Variants in RAB3GAP2 observed in about 807,000 individuals in gnomAD.
The protein encoded by RAB3GAP2 is RAB3 GTPase activating non-catalytic protein subunit 2, also known as rab3 GTPase-activating protein non-catalytic subunit.
RAB3GAP2 carries 87 observed loss-of-function variants against 185.3 expected under a neutral mutation model. The ratio of observed to expected loss-of-function variants is 0.47; its 90% CI spans 0.39 to 0.56. The LOEUF is 0.56. RAB3GAP2 is among the 20% of genes least tolerant of loss of function. The pLI is 0.00. For missense variants in RAB3GAP2, 1,492 were observed against 1,638.2 expected (o/e 0.91, Z 1.54); for synonymous variants, 554 against 576.1 (o/e 0.96, Z 0.55).
At chr1:220,243,353 C>CAAA (rs34046394) in intron 1 of RAB3GAP2, among the ~76,000 whole-genome samples, 1 of 107,614 alleles carries the variant, frequency 9.3e-6, no homozygotes, top group Non-Finnish European at 2.1e-5. Context: ...GACTCCATCT[C>CAAA]AAAAAAAAAA....
intron 27 of RAB3GAP2, among the ~76,000 whole-genome samples, chr1:220,164,334 T>C (rs1397370422): frequency 3.3e-5 from 5 of 152,098 alleles, no homozygotes; most frequent in Admixed American, 2.6e-4. Context: ...CTGCCTTCAT[T>C]ACACTCAGGG....
chr1:220,151,899 C>A, intron 33 of RAB3GAP2, 135 bp from the exon 34 acceptor site: 7 of 948,990 alleles, frequency 7.4e-6, no homozygotes, highest in African/African-American at 1.6e-5. Context: ...TGTATACAAC[C>A]AAAGATAAAT....
intron 7 of RAB3GAP2, among the ~76,000 whole-genome samples, chr1:220,206,903 T>C (rs938599737): frequency 5.3e-5 from 8 of 152,176 alleles, no homozygotes; most frequent in African/African-American, 1.9e-4. Context: ...TCTTGGCACA[T>C]TACTATCTTA....
chr1:220,185,567 A>T (rs1658492307), intron 18 of RAB3GAP2, 84 bp downstream of exon 18: 1 of 961,172 alleles, frequency 1.0e-6, no homozygotes, highest in East Asian at 2.4e-5. Flanking sequence ...ACATGATGGT[A>T]TCACAAAGTC....
chr1:220,162,243 C>G lies in RAB3GAP2; in HGVS notation c.3180G>C (p.Thr1060=), dbSNP rs765738431. The G allele has an allele frequency of 1.3e-6, 2 of 1,595,620 alleles. No homozygotes were observed. Among genetic ancestry groups the G allele is most frequent in the Non-Finnish European group, 1.7e-6 (2 of 1,163,580 alleles). ...CAGCAGAAAATCTTTTAACTAAGAA[C>G]GTATTCCACATCATCAGTGCAATGC... The part of the protein sequence containing the change: ...QNGIALMMWN[T]FLVKRFSAAT... Residue 1060 remains threonine (T), a synonymous_variant, in exon 28 of 35, where the codon ACG becomes ACC. Coordinates refer to ENST00000358951, the MANE Select transcript of RAB3GAP2 (RefSeq NM_012414.4).
rs112510337 is a variant in RAB3GAP2 at position 220,223,939 on chromosome 1, G to A, written c.180+8860C>T. On this transcript the variant is annotated intron_variant, in intron 2 of 34. Coordinates refer to ENST00000358951, the MANE Select transcript of RAB3GAP2 (RefSeq NM_012414.4). ...TGAAAAATTAGAGGCCTGGGAGGTC[G>A]AGGCTGAAGTGAGCCATGATCGTGC... Among the ~76,000 whole-genome samples, 470 of 146,626 alleles carry A rather than the reference G, an allele frequency of 3.2e-3. 2 individuals are homozygous for A. Among genetic ancestry groups the A allele is most frequent in the African/African-American group, 0.011 (443 of 39,740 alleles).
rs547421534 is a variant in RAB3GAP2 at position 220,236,936 on chromosome 1, T to G, written c.116-4073A>C. ...GGAATATTACTATAAGGCCTTGAGG[T>G]TCACAAACTCTACGTCATCATGAAG... On this transcript the variant is annotated intron_variant, in intron 1 of 34. Coordinates refer to ENST00000358951, the MANE Select transcript of RAB3GAP2 (RefSeq NM_012414.4). Among the ~76,000 whole-genome samples, 207 of 152,274 alleles carry G rather than the reference T, an allele frequency of 1.4e-3. 1 individual carries two copies. The highest frequency in any genetic ancestry group is 1.8e-3 in the Admixed American group (27 of 15,296).
chr1:220,228,626 A>G (rs1475793519), intron 2 of RAB3GAP2, among the ~76,000 whole-genome samples: 1 of 152,196 alleles, frequency 6.6e-6, no homozygotes, highest in Non-Finnish European at 1.5e-5. Context: ...GAACAACTAG[A>G]TAACCTCTGA....
In RAB3GAP2 at chr1:220,223,359, T is replaced by C. The variant is rs560472203; in HGVS notation, c.181-9380A>G. ...AACTCTCACTCAATATAAATCAGAA[T>C]AGATTTAATAGCTAAAGTAAGTGCA... On this transcript the variant is annotated intron_variant, in intron 2 of 34. Coordinates refer to ENST00000358951, the MANE Select transcript of RAB3GAP2 (RefSeq NM_012414.4). 2.0e-5 allele frequency among the ~76,000 whole-genome samples: 3 copies of C among 152,246 alleles called. No individual in the cohort carries two copies. The South Asian group carries it at 6.2e-4, about 32-fold the overall frequency.
chr1:220,260,166 T>G (rs935146799), intron 1 of RAB3GAP2, among the ~76,000 whole-genome samples: 3 of 152,240 alleles, frequency 2.0e-5, no homozygotes, highest in African/African-American at 7.2e-5. Flanking sequence ...TCAACCACTG[T>G]GGAAGACAGT....
chr1:220,205,792 T>A, intron 8 of RAB3GAP2, 115 bp downstream of exon 8: 1 of 786,708 alleles, frequency 1.3e-6, no homozygotes, highest in Non-Finnish European at 2.1e-6. Context: ...GTTTTTCCCA[T>A]AAATCTAGTT....
chr1:220,216,825 T>A (rs191679882), intron 2 of RAB3GAP2, among the ~76,000 whole-genome samples: 8 of 152,312 alleles, frequency 5.3e-5, no homozygotes, highest in Admixed American at 1.3e-4. Context: ...TCCTTCCTCT[T>A]ATCACACTTC....
intron 17 of RAB3GAP2, among the ~76,000 whole-genome samples, 184 bp downstream of exon 17, chr1:220,189,515 ATTTT>A (rs35162828): frequency 6.9e-6 from 1 of 145,368 alleles, no homozygotes. Context: ...ATGAATATTA[ATTTT>A]TTTTTTTTTT....
At position 220,158,253 on chromosome 1, in the gene RAB3GAP2, C is replaced by T. The variant is rs549098493; in HGVS notation, c.3262-377G>A. ...GGAAGATACACACATGAGAATCTAA[C>T]CTGAAAAGCTCCAAGAAAACAGCCT... On this transcript the variant is annotated intron_variant, in intron 29 of 34. Coordinates refer to ENST00000358951, the MANE Select transcript of RAB3GAP2 (RefSeq NM_012414.4). This position sits in a 1 kb window ranked among gnomAD's most constrained non-coding sequence, Gnocchi z 4.3. Among the ~76,000 whole-genome samples, 3 of 152,242 alleles carry T rather than the reference C, an allele frequency of 2.0e-5. No individual in the cohort carries two copies. Among genetic ancestry groups the T allele is most frequent in the Admixed American group, 6.5e-5 (1 of 15,284 alleles).
intron 1 of RAB3GAP2, chr1:220,266,657 G>A (rs1016511613): frequency 4.8e-6 from 7 of 1,456,638 alleles, no homozygotes; most frequent in Non-Finnish European, 6.7e-6. Flanking sequence ...GTTCCTGAGA[G>A]GTTATACAGC....
intron 26 of RAB3GAP2, 84 bp from the exon 27 acceptor site, chr1:220,164,883 T>C: frequency 7.5e-7 from 1 of 1,335,224 alleles, no homozygotes; most frequent in Non-Finnish European, 1.0e-6. Context: ...ACTTCTTACA[T>C]AAATTTCTGC....
chr1:220,169,532 G>A (rs1658136537), intron 24 of RAB3GAP2, among the ~76,000 whole-genome samples: 1 of 152,220 alleles, frequency 6.6e-6, no homozygotes, highest in African/African-American at 2.4e-5. Context: ...ATGAGTGAGA[G>A]AGGCAGGGAA....
chr1:220,261,040 G>A (rs769188525), intron 1 of RAB3GAP2, among the ~76,000 whole-genome samples: 1 of 152,080 alleles, frequency 6.6e-6, no homozygotes, highest in African/African-American at 2.4e-5. Flanking sequence ...GTAGCCAGGT[G>A]GTGGTTTTTA....
chr1:220,237,355 T>C (rs959001871), intron 1 of RAB3GAP2, among the ~76,000 whole-genome samples: 2 of 152,238 alleles, frequency 1.3e-5, no homozygotes, highest in African/African-American at 2.4e-5. Context: ...AAAGCAATTC[T>C]GTAAATGACA....
Sources: gnomAD v4.1 joint callset for allele counts (sites outside exome capture counted in the v4.1 genomes callset) on GRCh38, gnomAD v4.1.1 for gene constraint, Gnocchi (gnomAD v3.1) non-coding constraint, MANE v1.5 for transcripts, NCBI Gene and HGNC (gene_info 2026-07-23, HGNC 2026-07-21) for gene names.